The following ANKRD45 variants were observed in gnomAD, a reference collection of about 807,000 sequenced individuals.
The protein encoded by ANKRD45 is ankyrin repeat domain 45, also known as ankyrin repeat domain-containing protein 45.
Under a neutral mutation model 28.1 loss-of-function variants are expected in ANKRD45, and 21 were observed. That is an observed-to-expected ratio of 0.75 (90% CI 0.53 to 1.08). ANKRD45 has a LOEUF of 1.08. ANKRD45 is among the 50% of genes least tolerant of loss of function. The pLI is 0.00. For missense variants in ANKRD45, 261 were observed against 308.7 expected (o/e 0.85, Z 1.16); for synonymous variants, 86 against 103.9 (o/e 0.83, Z 1.05).
In ANKRD45 at chr1:173,608,543, C is replaced by T. The variant is rs190372702; in HGVS notation, c.*1602G>A. 2.3e-4 allele frequency among the ~76,000 whole-genome samples: 35 copies of T among 151,850 alleles called. No homozygotes were observed. In the East Asian group the frequency reaches 3.8e-3, roughly 16 times the overall value. ...CATGTTGGCCAGGCTTGTCTCAAAC[C>T]GCTGACCTCAGGTGATCCGCCTGCC... is the stretch of plus-strand genomic sequence containing the variant. On this transcript the variant is annotated 3_prime_UTR_variant, in exon 6 of 6. Coordinates refer to ENST00000333279, the MANE Select transcript of ANKRD45 (RefSeq NM_198493.3).
intron 1 of ANKRD45, among the ~76,000 whole-genome samples, chr1:173,663,792 T>C (rs1669888644): frequency 6.6e-6 from 1 of 152,226 alleles, no homozygotes; most frequent in Non-Finnish European, 1.5e-5. Flanking sequence ...AAATTATTTC[T>C]GTTATACGTA....
At chr1:173,667,619 T>A (rs541527087) in intron 1 of ANKRD45, 1 of 307,062 alleles carries the variant, frequency 3.3e-6, no homozygotes, top group Admixed American at 4.7e-5. Flanking sequence ...GGCAGGAGAA[T>A]CACTGGAACC....
chr1:173,688,722 C>G, the ANKRD45 span, among the ~76,000 whole-genome samples: 9 of 137,998 alleles, frequency 6.5e-5, no homozygotes, highest in African/African-American at 2.8e-4. Flanking sequence ...TTTCCTCTCT[C>G]TCTTTCTGCC....
intron 5 of ANKRD45, among the ~76,000 whole-genome samples, chr1:173,613,844 A>C (rs1277054888): frequency 1.3e-5 from 2 of 152,208 alleles, no homozygotes; most frequent in Non-Finnish European, 2.9e-5. Flanking sequence ...AAAGGTGGGG[A>C]AAAGATAGAG....
rs556048310 is a variant in ANKRD45, at chr1:173,615,283, G to A, written c.731-5068C>T. Among the ~76,000 whole-genome samples the A allele has an allele frequency of 6.6e-5, 10 of 151,926 alleles. No individual in the cohort carries two copies. In the South Asian group the frequency reaches 1.9e-3, roughly 29 times the overall value. ...GCCTGTAATCCCAGCTACTCGGGAG[G>A]CTGAGGCAGGAGAATCGCTTGAACC... On this transcript the variant is annotated intron_variant, in intron 5 of 5. Coordinates refer to ENST00000333279, the MANE Select transcript of ANKRD45 (RefSeq NM_198493.3).
chr1:173,631,864 G>A (rs556053454), intron 3 of ANKRD45, among the ~76,000 whole-genome samples: 17 of 151,770 alleles, frequency 1.1e-4, no homozygotes, highest in Middle Eastern at 3.4e-3. Flanking sequence ...AAACTTTATA[G>A]TAATAAACAC....
At chr1:173,687,278 T>A in the ANKRD45 span, among the ~76,000 whole-genome samples, 1 of 152,312 alleles carries the variant, frequency 6.6e-6, no homozygotes, top group East Asian at 1.9e-4. Flanking sequence ...TTTTAAATTA[T>A]ACAACATTTC....
chr1:173,695,039 T>C, the ANKRD45 span, among the ~76,000 whole-genome samples: 6 of 152,322 alleles, frequency 3.9e-5, no homozygotes, highest in African/African-American at 1.2e-4. Context: ...TGAGAAATTT[T>C]ATTGTCATTT....
the ANKRD45 span, among the ~76,000 whole-genome samples, chr1:173,690,960 C>A: frequency 6.6e-6 from 1 of 152,150 alleles, no homozygotes; most frequent in Non-Finnish European, 1.5e-5. Flanking sequence ...GGGTGAGGCT[C>A]AATTTCCTCC....
chr1:173,665,928 C>T (rs1283754607), intron 1 of ANKRD45, among the ~76,000 whole-genome samples: 8 of 152,000 alleles, frequency 5.3e-5, no homozygotes, highest in African/African-American at 1.9e-4. Context: ...GTGAGAGAAT[C>T]GCTTGAGCTC....
intron 3 of ANKRD45, chr1:173,636,923 G>A: frequency 6.5e-7 from 1 of 1,535,698 alleles, no homozygotes. Context: ...GGCAACCACA[G>A]CATCAGTGAT....
intron 1 of ANKRD45, among the ~76,000 whole-genome samples, chr1:173,662,481 G>A (rs923988819): frequency 2.0e-5 from 3 of 152,092 alleles, no homozygotes; most frequent in South Asian, 4.1e-4. Context: ...TTTAAAAGTA[G>A]GAGATTCTTT....
intron 5 of ANKRD45, among the ~76,000 whole-genome samples, chr1:173,613,658 C>A (rs1368422791): frequency 2.7e-5 from 4 of 147,154 alleles, no homozygotes; most frequent in African/African-American, 1.1e-4. Context: ...GGGGGGTCAG[C>A]CCCCGCCTGG....
At chr1:173,633,674 G>C (rs1427307029) in intron 3 of ANKRD45, among the ~76,000 whole-genome samples, 2 of 151,948 alleles carry the variant, frequency 1.3e-5, no homozygotes, top group South Asian at 4.1e-4. Context: ...GAACAGAATG[G>C]AGAACCCAGA....
chr1:173,616,205 A>G (rs1667461834), intron 5 of ANKRD45, among the ~76,000 whole-genome samples: 1 of 152,202 alleles, frequency 6.6e-6, no homozygotes, highest in Non-Finnish European at 1.5e-5. Context: ...GATGGACATT[A>G]AAAATATTAT....
chr1:173,610,628 A>T (rs1337905021), intron 5 of ANKRD45, among the ~76,000 whole-genome samples: 1 of 151,924 alleles, frequency 6.6e-6, no homozygotes, highest in Non-Finnish European at 1.5e-5. Flanking sequence ...CACAGGTGAG[A>T]AGGGAAGGAG....
chr1:173,631,676 CAA>C (rs751551927), intron 3 of ANKRD45, among the ~76,000 whole-genome samples: 254 of 152,044 alleles, frequency 1.7e-3, no homozygotes, highest in Non-Finnish European at 2.4e-3. Context: ...AAATCAATAA[CAA>C]GAGGAATTTT....
At chr1:173,669,400 A>C (rs78847089) in intron 1 of ANKRD45, 3 of 231,588 alleles carry the variant, frequency 1.3e-5, no homozygotes, top group Admixed American at 8.6e-5. Flanking sequence ...TTTTTCTTCA[A>C]AAAAAAAAAA....
intron 1 of ANKRD45, chr1:173,669,303 C>G (rs1328227273): frequency 2.5e-6 from 1 of 392,752 alleles, no homozygotes; most frequent in African/African-American, 2.1e-5. Flanking sequence ...ACGGGAAGAG[C>G]ATAAACAAAG....
Sources: allele counts gnomAD v4.1 joint callset (sites outside exome capture counted in the v4.1 genomes callset), GRCh38; gene constraint gnomAD v4.1.1; transcripts MANE v1.5; gene names NCBI Gene and HGNC (gene_info 2026-07-23, HGNC 2026-07-21).